RAI14: variants seen among roughly 807,000 people sequenced by gnomAD.
The protein encoded by RAI14 is ankycorbin.
A neutral mutation model predicts 115.4 loss-of-function variants in RAI14; 45 were observed. The observed-to-expected ratio is 0.39, with a 90% CI of 0.31 to 0.50. The LOEUF is 0.50. Among genes scored for constraint, RAI14 ranks in the 20% least tolerant of loss-of-function variants. RAI14 has a pLI of 0.85. For synonymous variants in RAI14, 371 were observed against 415.4 expected, an observed-to-expected ratio of 0.89 and a Z score of 1.30; for missense variants, 939 against 1,131.2, an observed-to-expected ratio of 0.83 and a Z score of 2.44.
At chr5:34,819,129 C>T (rs939440687) in intron 13 of RAI14, among the ~76,000 whole-genome samples, 1 of 152,162 alleles carries the variant, frequency 6.6e-6, no homozygotes, top group Non-Finnish European at 1.5e-5. Context: ...ATTATGAGTA[C>T]AGGCAATAAG....
chr5:34,784,093 G>A (rs952276424), intron 3 of RAI14, among the ~76,000 whole-genome samples: 1 of 152,334 alleles, frequency 6.6e-6, no homozygotes, highest in East Asian at 1.9e-4. Context: ...GGCAAGTTGG[G>A]CGTCGCTGGA....
At chr5:34,810,269 C>G (rs886448611) in intron 7 of RAI14, among the ~76,000 whole-genome samples, 1 of 152,078 alleles carries the variant, frequency 6.6e-6, no homozygotes, top group African/African-American at 2.4e-5. Flanking sequence ...AACAACTTCT[C>G]TTTATGGTTT....
In RAI14 at chr5:34,830,631, G is replaced by GA. The variant is rs528056594; in HGVS notation, c.2866-54dup. 612 of 1,610,836 alleles carry GA rather than the reference G, an allele frequency of 3.8e-4. 6 individuals are homozygous for GA. In the African/African-American group the frequency reaches 7.2e-3, roughly 19 times the overall value. On this transcript the variant is annotated intron_variant, in intron 17 of 17. Transcript: ENST00000265109. ...GTCAGCCATCTCATTCCCCAGAGAA[G>GA]AAAGTGCCATGGCTTAATTTAGGTT... is the stretch of plus-strand genomic sequence containing the variant.
intron 13 of RAI14, among the ~76,000 whole-genome samples, chr5:34,820,434 G>A (rs926766947): frequency 6.6e-6 from 1 of 152,014 alleles, no homozygotes; most frequent in Non-Finnish European, 1.5e-5. Context: ...ACAAAAATTA[G>A]CTATTACATA....
intron 4 of RAI14, among the ~76,000 whole-genome samples, chr5:34,800,286 C>T (rs1754105732): frequency 6.6e-6 from 1 of 152,170 alleles, no homozygotes; most frequent in African/African-American, 2.4e-5. Context: ...TAAAAGGGTT[C>T]TTAGACTACT....
At position 34,725,214 on chromosome 5, in the gene RAI14, T is replaced by C. The variant is rs1197887954; in HGVS notation, c.37-32254T>C. On this transcript the variant is annotated intron_variant, in intron 2 of 17. Coordinates refer to ENST00000265109, the MANE Select transcript of RAI14 (RefSeq NM_015577.3). ...TTTCTTTAGGAACAAAATTGATGGG[T>C]AGTCTGCAAAAGGATTCAAATTGTT... 3.3e-5 allele frequency among the ~76,000 whole-genome samples: 5 copies of C among 152,152 alleles called. No homozygotes were observed. In the East Asian group the frequency reaches 9.7e-4, roughly 29 times the overall value.
chr5:34,788,605 A>G (rs1238979736), intron 3 of RAI14, among the ~76,000 whole-genome samples: 2 of 152,230 alleles, frequency 1.3e-5, no homozygotes, highest in East Asian at 1.9e-4. Context: ...TAAAAAATAT[A>G]TAACTATAGA....
At chr5:34,759,442 G>T (rs770112541) in intron 3 of RAI14, among the ~76,000 whole-genome samples, 4 of 152,120 alleles carry the variant, frequency 2.6e-5, no homozygotes, top group Non-Finnish European at 4.4e-5. Context: ...CCCATTGCTC[G>T]CATTACTATC....
intron 2 of RAI14, among the ~76,000 whole-genome samples, chr5:34,739,602 GA>G (rs1745252152): frequency 2.6e-5 from 4 of 152,186 alleles, no homozygotes; most frequent in Admixed American, 2.6e-4. Context: ...GAAAAGTTGT[GA>G]AAGCTGGCTA....
chr5:34,795,798 A>C, intron 3 of RAI14, 141 bp from the exon 4 acceptor site: 1 of 535,200 alleles, frequency 1.9e-6, no homozygotes, highest in Non-Finnish European at 3.3e-6. Flanking sequence ...GATTGATAAT[A>C]ATGCCTAGTC....
chr5:34,704,059 G>T (rs1196971273), intron 2 of RAI14, among the ~76,000 whole-genome samples: 1 of 152,176 alleles, frequency 6.6e-6, no homozygotes, highest in African/African-American at 2.4e-5. Flanking sequence ...TGGAAGTGCG[G>T]CCCAGTGATC....
rs2271522 is a variant in RAI14, at chr5:34,811,032, T to A, written c.471T>A (p.Leu157=). Reference sequence around the variant, plus strand: ...CCTAGGATGGGAATATACCGCTGCTTCTTGCTGTACAAAATGGTCACAGTG... The same window carrying A: ...CCTAGGATGGGAATATACCGCTGCTACTTGCTGTACAAAATGGTCACAGTG... ...LKDLDGNIPL[L]LAVQNGHSEI... Residue 157 remains leucine, a synonymous_variant, in exon 8 of 18, where the codon CTT becomes CTA. Coordinates refer to ENST00000265109, the MANE Select transcript of RAI14 (RefSeq NM_015577.3). 6.2e-7 allele frequency: 1 copy of A among 1,613,532 alleles called. No individual in the cohort carries two copies.
chr5:34,670,716 T>C (rs552291962), intron 1 of RAI14, among the ~76,000 whole-genome samples: 7 of 152,364 alleles, frequency 4.6e-5, no homozygotes, highest in African/African-American at 1.4e-4. Context: ...GCATTCTCCC[T>C]ATTTACCTTT....
intron 3 of RAI14, among the ~76,000 whole-genome samples, chr5:34,781,844 G>C (rs539236851): frequency 1.3e-5 from 2 of 152,278 alleles, no homozygotes; most frequent in South Asian, 4.1e-4. Flanking sequence ...CACACACACA[G>C]AAATACAGAG....
chr5:34,827,231 C>G lies in RAI14; in HGVS notation c.2799+752C>G, dbSNP rs1268758685. ...TTCAGCCTTTGATTTTCTTGCCTCC[C>G]TCTTATAAGGGCTCTTGTGATTACA... On this transcript the variant is annotated intron_variant, in intron 16 of 17. Transcript: ENST00000265109. The surrounding 1 kb of genome is among the most constrained non-coding windows in gnomAD (Gnocchi z 4.2). Among the ~76,000 whole-genome samples, 2 of 152,122 alleles carry G rather than the reference C, an allele frequency of 1.3e-5. No individual in the cohort carries two copies. The highest frequency in any genetic ancestry group is 2.9e-5 in the Non-Finnish European group (2 of 68,038).
intron 5 of RAI14, 66 bp downstream of exon 5, chr5:34,803,842 T>C (rs1754565908): frequency 6.9e-7 from 1 of 1,443,206 alleles, no homozygotes; most frequent in Non-Finnish European, 9.6e-7. Context: ...ATCATATTTG[T>C]GAAAGAACAA....
At chr5:34,817,268 A>T (rs974752529) in intron 12 of RAI14, among the ~76,000 whole-genome samples, 15 of 91,182 alleles carry the variant, frequency 1.6e-4, no homozygotes, top group Non-Finnish European at 3.1e-4. Flanking sequence ...CAGACACTCC[A>T]TCTCAAAAAA....
chr5:34,711,118 G>T (rs1343615017), intron 2 of RAI14, among the ~76,000 whole-genome samples: 1 of 152,122 alleles, frequency 6.6e-6, no homozygotes, highest in Non-Finnish European at 1.5e-5. Flanking sequence ...AAGTGATTAG[G>T]TCATAGGTTT....
At chr5:34,782,080 G>A (rs1580241247) in intron 3 of RAI14, among the ~76,000 whole-genome samples, 2 of 152,302 alleles carry the variant, frequency 1.3e-5, no homozygotes, top group South Asian at 4.1e-4. Flanking sequence ...TGTGGTTCAG[G>A]AATGCCTTTA....
Sources: gnomAD v4.1 joint callset for allele counts (sites outside exome capture counted in the v4.1 genomes callset) on GRCh38, gnomAD v4.1.1 for gene constraint, Gnocchi (gnomAD v3.1) non-coding constraint, MANE v1.5 for transcripts, NCBI Gene and HGNC (gene_info 2026-07-23, HGNC 2026-07-21) for gene names.